The following ZNF343 variants were observed in gnomAD, a reference collection of about 807,000 sequenced individuals.
The protein encoded by ZNF343 is zinc finger protein 343.
In ZNF343, 11 loss-of-function variants were observed where a neutral mutation model predicts 13.8. The ratio of observed to expected loss-of-function variants is 0.80; its 90% CI spans 0.50 to 1.32. The LOEUF is 1.32. ZNF343 is among the 40% of genes most tolerant of loss of function. The probability of loss-of-function intolerance (pLI) is 0.00; values close to 1 mark genes in which losing one functional copy is unlikely to be tolerated. For synonymous variants in ZNF343, 248 were observed against 260.0 expected, an observed-to-expected ratio of 0.95 and a Z score of 0.44; for missense variants, 658 against 714.2, an observed-to-expected ratio of 0.92 and a Z score of 0.90.
Position 2,484,007 on chromosome 20 carries a change from T to C in ZNF343, c.954A>G (p.Thr318=). The C allele has an allele frequency of 6.2e-7, 1 of 1,614,036 alleles. No homozygotes were observed. Among genetic ancestry groups the C allele is most frequent in the Non-Finnish European group, 8.5e-7 (1 of 1,179,982 alleles). ...QKSNLSRHQR[T]HSEEKPYLCR... Reference sequence around the variant, plus strand: ...ACAAATAAGGCTTCTCTTCTGAATGTGTTCTCTGGTGTCTGCTGAGGTTGG... The same window carrying C: ...ACAAATAAGGCTTCTCTTCTGAATGCGTTCTCTGGTGTCTGCTGAGGTTGG... The change falls in exon 6 of 6, where the codon ACA becomes ACG. Residue 318 remains threonine, a synonymous_variant. Coordinates refer to ENST00000278772, the MANE Select transcript of ZNF343 (RefSeq NM_024325.6).
At chr20:2,514,275 T>A (rs2085750130) in intron 1 of ZNF343, among the ~76,000 whole-genome samples, 1 of 152,218 alleles carries the variant, frequency 6.6e-6, no homozygotes, top group Non-Finnish European at 1.5e-5. Flanking sequence ...AATATCACCT[T>A]TATATGAGCT....
At position 2,483,739 on chromosome 20, in the gene ZNF343, G is replaced by A; in HGVS notation, c.1222C>T (p.Pro408Ser). 1 of 1,614,108 alleles carries A rather than the reference G, an allele frequency of 6.2e-7. No individual in the cohort carries two copies. Among genetic ancestry groups the A allele is most frequent in the South Asian group, 1.1e-5 (1 of 91,054 alleles). The change falls in exon 6 of 6, where the codon CCT (proline) becomes TCT (serine). Residue 408 changes from proline (P) to serine (S), a missense_variant. Physicochemically the swap from Pro to Ser is moderately conservative, Grantham distance 74. Coordinates refer to ENST00000278772, the MANE Select transcript of ZNF343 (RefSeq NM_024325.6). ...CGCCCACACTCCCTGCAAACATAAG[G>A]CTTCTCCCCTGAGTGTATCCTCTGG... is the stretch of plus-strand genomic sequence containing the variant. ...KHQRIHSGEK[P>S]YVCRECGRGF...
chr20:2,512,673 T>C (rs577035517), upstream of ZNF343, among the ~76,000 whole-genome samples: 5 of 152,230 alleles, frequency 3.3e-5, no homozygotes, highest in African/African-American at 1.2e-4. Context: ...TCAAAGACTA[T>C]AAAGATCTAA....
chr20:2,510,189 A>G (rs904133213), upstream of ZNF343, among the ~76,000 whole-genome samples: 1 of 152,242 alleles, frequency 6.6e-6, no homozygotes, highest in Non-Finnish European at 1.5e-5. Context: ...AGAATGAATT[A>G]TGAAAAATTG....
At chr20:2,496,427 C>T (rs1442042464) in intron 2 of ZNF343, among the ~76,000 whole-genome samples, 2 of 152,152 alleles carry the variant, frequency 1.3e-5, no homozygotes, top group African/African-American at 4.8e-5. Flanking sequence ...ACAGCGGTAC[C>T]AGGGCACAGG....
chr20:2,514,193 ATGACTC>A (rs1019940326), intron 1 of ZNF343, among the ~76,000 whole-genome samples: 6 of 152,240 alleles, frequency 3.9e-5, no homozygotes, highest in Admixed American at 3.3e-4. Context: ...AATGTACTGA[ATGACTC>A]TGTGTAACTT....
rs765431284 is a variant in ZNF343 at position 2,508,817 on chromosome 20, C to T, written c.-237+64G>A. On this transcript the variant is annotated intron_variant, in intron 1 of 5. Transcript: ENST00000278772. This position sits in a 1 kb window ranked among gnomAD's most constrained non-coding sequence, Gnocchi z 4.5. ...GTCCTAACCTACGCTCGGCCTTTCC[C>T]GACCCTCCTTTCCCCACGAGAGAGG... The T allele has an allele frequency of 1.3e-5, 2 of 152,284 alleles. No individual in the cohort carries two copies. Among genetic ancestry groups the T allele is most frequent in the Non-Finnish European group, 2.9e-5 (2 of 68,080 alleles). 9.4% of individuals were successfully genotyped at this position (152,284 alleles called of 1,614,324 possible). A position where few individuals can be genotyped will look rare whatever the true frequency, so the allele number is the denominator to read the frequency against.
intron 5 of ZNF343, among the ~76,000 whole-genome samples, chr20:2,486,980 A>G (rs2085291315): frequency 6.6e-6 from 1 of 152,220 alleles, no homozygotes; most frequent in Non-Finnish European, 1.5e-5. Flanking sequence ...CTGCCATTGT[A>G]TAACAAAAGC....
intron 1 of ZNF343, among the ~76,000 whole-genome samples, chr20:2,520,222 G>A (rs762080987): frequency 7.2e-5 from 11 of 152,092 alleles, no homozygotes; most frequent in Non-Finnish European, 1.2e-4. Flanking sequence ...TATTCTACAT[G>A]CACTTTATGA....
chr20:2,514,386 C>A (rs964070337), intron 1 of ZNF343, among the ~76,000 whole-genome samples: 1 of 152,140 alleles, frequency 6.6e-6, no homozygotes, highest in Non-Finnish European at 1.5e-5. Flanking sequence ...GAGCTTGAAT[C>A]GCCTGTGTTC....
rs954799822 is a variant in ZNF343 at position 2,482,999 on chromosome 20, A to T, written c.*162T>A. On this transcript the variant is annotated 3_prime_UTR_variant, in exon 6 of 6. Transcript: ENST00000278772. ...TATACTCATAAGGCTCCTCTCCTGA[A>T]CGTGTCCCTCCCATGCCTGATAAGG... 10 of 826,296 alleles carry T rather than the reference A, an allele frequency of 1.2e-5. No individual in the cohort carries two copies. The African/African-American group carries it at 1.4e-4, about 11-fold the overall frequency. 51.2% of individuals were successfully genotyped at this position (826,296 alleles called of 1,614,324 possible).
chr20:2,483,123 G>A lies in ZNF343; in HGVS notation c.*38C>T, dbSNP rs1212129314. 1 of 1,566,818 alleles carries A rather than the reference G, an allele frequency of 6.4e-7. No individual in the cohort carries two copies. Among genetic ancestry groups the A allele is most frequent in the East Asian group, 2.2e-5 (1 of 44,578 alleles). On this transcript the variant is annotated 3_prime_UTR_variant, in exon 6 of 6. Transcript: ENST00000278772. ...ACATGAGGCTTGACTGGTCACTCAGGTCTTGTTCATGACCCCTGCATACAC... is the reference window on the plus strand; with the variant it reads ...ACATGAGGCTTGACTGGTCACTCAGATCTTGTTCATGACCCCTGCATACAC...
chr20:2,484,713 T>G (rs1355039883), intron 5 of ZNF343, 57 bp from the exon 6 acceptor site: 1 of 1,493,588 alleles, frequency 6.7e-7, no homozygotes, highest in Non-Finnish European at 9.0e-7. Flanking sequence ...TGAGTTGTTC[T>G]GCCTTGTCTT....
At chr20:2,494,588 G>A (rs1316692958) in intron 2 of ZNF343, among the ~76,000 whole-genome samples, 1 of 151,972 alleles carries the variant, frequency 6.6e-6, no homozygotes, top group Non-Finnish European at 1.5e-5. Context: ...GGGCAACATA[G>A]CGAAATGCCG....
intron 2 of ZNF343, among the ~76,000 whole-genome samples, chr20:2,498,363 A>C (rs1204071191): frequency 1.3e-5 from 2 of 152,236 alleles, no homozygotes; most frequent in African/African-American, 2.4e-5. Flanking sequence ...TCTCCAAAAA[A>C]ATAAAAAGTG....
intron 2 of ZNF343, chr20:2,495,406 G>A (rs2085440968): frequency 1.3e-5 from 2 of 152,172 alleles, no homozygotes; most frequent in Admixed American, 6.5e-5. Context: ...GCTTGACCTT[G>A]TAACTTGCCT....
chr20:2,513,348 C>A (rs546921010), upstream of ZNF343, among the ~76,000 whole-genome samples: 27 of 152,204 alleles, frequency 1.8e-4, no homozygotes, highest in African/African-American at 6.3e-4. Context: ...AAACAGCCAG[C>A]AAGAACACAC....
upstream of ZNF343, chr20:2,509,110 C>A (rs1448076675): frequency 6.6e-6 from 1 of 152,168 alleles, no homozygotes; most frequent in Non-Finnish European, 1.5e-5. Context: ...TCCCCTTGGC[C>A]CATTCTGCAA....
At chr20:2,494,702 G>A (rs975800390) in intron 2 of ZNF343, among the ~76,000 whole-genome samples, 2 of 151,618 alleles carry the variant, frequency 1.3e-5, no homozygotes, top group African/African-American at 2.4e-5. Flanking sequence ...TCGGGAAGTC[G>A]AGGCTGCAGT....
Sources: gnomAD v4.1 joint callset for allele counts (sites outside exome capture counted in the v4.1 genomes callset) on GRCh38, gnomAD v4.1.1 for gene constraint, Gnocchi (gnomAD v3.1) non-coding constraint, MANE v1.5 for transcripts, NCBI Gene and HGNC (gene_info 2026-07-23, HGNC 2026-07-21) for gene names.